The following CD80 variants were observed in gnomAD, a reference collection of about 807,000 sequenced individuals.
The protein encoded by CD80 is CD80 molecule, also known as T-lymphocyte activation antigen CD80.
A neutral mutation model predicts 27.1 loss-of-function variants in CD80; 13 were observed. That is an observed-to-expected ratio of 0.48 (90% confidence interval 0.31 to 0.76). The LOEUF (loss-of-function observed/expected upper bound fraction) is 0.76. Ranked by LOEUF, CD80 falls within the 30% of genes least tolerant of loss-of-function variation. The probability of loss-of-function intolerance (pLI) is 0.04; values close to 1 mark genes in which losing one functional copy is unlikely to be tolerated. For missense variants in CD80, 277 were observed against 347.9 expected (o/e 0.80, Z 1.62); for synonymous variants, 125 against 125.5 (o/e 1.00, Z 0.03).
chr3:119,543,367 C>T (rs2082180969), intron 3 of CD80, among the ~76,000 whole-genome samples: 1 of 151,216 alleles, frequency 6.6e-6, no homozygotes, highest in Non-Finnish European at 1.5e-5. Flanking sequence ...TTCCTTGTGG[C>T]AGGAATTAAT....
At chr3:119,539,506 A>G (rs2082156177) in intron 3 of CD80, among the ~76,000 whole-genome samples, 1 of 152,002 alleles carries the variant, frequency 6.6e-6, no homozygotes, top group Admixed American at 6.6e-5. Flanking sequence ...ACCACACTTT[A>G]TTGTTTTTCT....
intron 4 of CD80, among the ~76,000 whole-genome samples, chr3:119,535,618 AAG>A (rs1184830839): frequency 2.0e-5 from 3 of 152,184 alleles, no homozygotes; most frequent in Non-Finnish European, 4.4e-5. Flanking sequence ...CTCTTGGGGA[AAG>A]AGAATTCTCT....
chr3:119,552,224 C>T (rs1178202882), intron 2 of CD80, among the ~76,000 whole-genome samples: 1 of 152,118 alleles, frequency 6.6e-6, no homozygotes, highest in Non-Finnish European at 1.5e-5. Context: ...CGTGGTGGCT[C>T]ACGCCTGTAA....
chr3:119,528,436 C>G (rs935815965), intron 5 of CD80, among the ~76,000 whole-genome samples: 2 of 152,138 alleles, frequency 1.3e-5, no homozygotes, highest in African/African-American at 4.8e-5. Flanking sequence ...GGCCTTATTT[C>G]GGACCATAGA....
Position 119,524,915 on chromosome 3 carries a change from C to G in CD80, c.*873G>C, listed in dbSNP as rs1212140415. 1 of 152,160 alleles carries G rather than the reference C, an allele frequency of 6.6e-6. No individual in the cohort carries two copies. The highest frequency in any genetic ancestry group is 1.5e-5 in the Non-Finnish European group (1 of 68,040). 9.4% of individuals were successfully genotyped at this position (152,160 alleles called of 1,614,324 possible). ...AAGATAGCTTACTGCTTAGTACATA[C>G]ACTGTAAACAACGATCTCATTTTAA... On this transcript the variant is annotated 3_prime_UTR_variant, in exon 7 of 7. Coordinates refer to ENST00000264246, the MANE Select transcript of CD80 (RefSeq NM_005191.4).
At chr3:119,544,061 T>C (rs1226069837) in intron 3 of CD80, among the ~76,000 whole-genome samples, 4 of 151,954 alleles carry the variant, frequency 2.6e-5, no homozygotes, top group Non-Finnish European at 5.9e-5. Context: ...CTAGTTTTTG[T>C]ATTTTTAGTA....
At chr3:119,536,897 G>C (rs1317172575) in intron 4 of CD80, among the ~76,000 whole-genome samples, 2 of 152,150 alleles carry the variant, frequency 1.3e-5, no homozygotes, top group Non-Finnish European at 2.9e-5. Flanking sequence ...CTGCCTATGT[G>C]TTCAGTATGG....
intron 4 of CD80, among the ~76,000 whole-genome samples, chr3:119,530,389 C>T (rs948309614): frequency 2.0e-5 from 3 of 152,206 alleles, no homozygotes; most frequent in African/African-American, 7.2e-5. Flanking sequence ...ACACCCTTAC[C>T]TCACAGTAGC....
At chr3:119,557,300 C>T (rs1417107509) in intron 2 of CD80, among the ~76,000 whole-genome samples, 1 of 152,194 alleles carries the variant, frequency 6.6e-6, no homozygotes, top group Non-Finnish European at 1.5e-5. Context: ...AGTATCGGCA[C>T]ATCACAAAAT....
chr3:119,536,208 G>T (rs536546102), intron 4 of CD80, among the ~76,000 whole-genome samples: 1 of 152,050 alleles, frequency 6.6e-6, no homozygotes, highest in Admixed American at 6.5e-5. Flanking sequence ...CTGAGATTGT[G>T]CCACTGCACT....
intron 2 of CD80, among the ~76,000 whole-genome samples, chr3:119,557,399 T>C (rs2082270555): frequency 6.6e-6 from 1 of 152,204 alleles, no homozygotes; most frequent in Non-Finnish European, 1.5e-5. Context: ...CCACGCTTCC[T>C]TGAAGGCCTG....
At position 119,550,094 on chromosome 3, in the gene CD80, G is replaced by A. The variant is rs2082223363; in HGVS notation, c.101-5227C>T. 2.0e-5 allele frequency among the ~76,000 whole-genome samples: 3 copies of A among 152,208 alleles called. No individual in the cohort carries two copies. In the South Asian group the frequency reaches 6.2e-4, roughly 32 times the overall value. On this transcript the variant is annotated intron_variant, in intron 2 of 6. Coordinates refer to ENST00000264246, the MANE Select transcript of CD80 (RefSeq NM_005191.4). ...GTCCCAAGGACATAGCAGGTCTTCT[G>A]TAAGAGTTTCCATTTTTCTTTCTCC... is the stretch of plus-strand genomic sequence containing the variant.
chr3:119,547,924 T>G (rs2082210149), intron 2 of CD80, among the ~76,000 whole-genome samples: 1 of 152,142 alleles, frequency 6.6e-6, no homozygotes, highest in South Asian at 2.1e-4. Context: ...TCAAGAGTTA[T>G]CCAGAATCTT....
intron 3 of CD80, among the ~76,000 whole-genome samples, chr3:119,540,987 G>A (rs371358924): frequency 9.2e-5 from 14 of 152,106 alleles, no homozygotes; most frequent in African/African-American, 3.4e-4. Context: ...GGCAGAGGCT[G>A]CAGAGACCCG....
intron 3 of CD80, among the ~76,000 whole-genome samples, chr3:119,542,128 C>A (rs1298135203): frequency 2.2e-5 from 3 of 138,320 alleles, no homozygotes; most frequent in Non-Finnish European, 4.5e-5. Context: ...AATGGAGAAA[C>A]TAGCAGGAAT....
intron 3 of CD80, among the ~76,000 whole-genome samples, chr3:119,543,397 CT>C (rs35045571): frequency 0.12 from 17,079 of 143,618 alleles, 1,129 homozygotes; most frequent in Non-Finnish European, 0.16. Context: ...AATTCTCTAA[CT>C]TTTTTTTTTT....
chr3:119,546,235 A>T (rs1334720054), intron 2 of CD80, among the ~76,000 whole-genome samples: 1 of 152,180 alleles, frequency 6.6e-6, no homozygotes, highest in Non-Finnish European at 1.5e-5. Context: ...AAGAGAAGTC[A>T]GTCCTGACTA....
At chr3:119,544,169 T>C (rs1207482572) in intron 3 of CD80, among the ~76,000 whole-genome samples, 4 of 152,196 alleles carry the variant, frequency 2.6e-5, no homozygotes, top group African/African-American at 9.7e-5. Context: ...ATTACAGGCA[T>C]AAGCCACCAT....
intron 4 of CD80, among the ~76,000 whole-genome samples, chr3:119,532,416 C>T (rs147252515): frequency 0.011 from 1,721 of 151,740 alleles, 38 homozygotes; most frequent in African/African-American, 0.039. Context: ...TTGCTTGAAC[C>T]AGGGAGACAG....
Sources: allele counts gnomAD v4.1 joint callset (sites outside exome capture counted in the v4.1 genomes callset), GRCh38; gene constraint gnomAD v4.1.1; transcripts MANE v1.5; gene names NCBI Gene and HGNC (gene_info 2026-07-23, HGNC 2026-07-21).